The following HELLS variants were observed in gnomAD, a reference collection of about 807,000 sequenced individuals.
HELLS encodes the protein helicase, lymphoid specific.
In HELLS, 32 loss-of-function variants were observed where a neutral mutation model predicts 120.0. That is an observed-to-expected ratio of 0.27 (90% confidence interval 0.20 to 0.36). The LOEUF (loss-of-function observed/expected upper bound fraction) is 0.36, where lower values mean the gene tolerates loss of function less well. Among genes scored for constraint, HELLS ranks in the 10% least tolerant of loss-of-function variants. The probability of loss-of-function intolerance (pLI) is 1.00; values close to 1 mark genes in which losing one functional copy is unlikely to be tolerated. For missense variants in HELLS, 650 were observed against 993.4 expected (o/e 0.65, Z 4.65); for synonymous variants, 341 against 323.4 (o/e 1.05, Z -0.58).
chr10:94,589,103 G>C (rs1028978469), intron 13 of HELLS, among the ~76,000 whole-genome samples: 1 of 152,092 alleles, frequency 6.6e-6, no homozygotes, highest in Non-Finnish European at 1.5e-5. Flanking sequence ...AGCCAAGATT[G>C]TGCCTTTGCA....
In HELLS at chr10:94,590,665, A is replaced by G. The variant is rs1467991928; in HGVS notation, c.1656A>G (p.Val552=). The G allele has an allele frequency of 2.5e-6, 4 of 1,610,778 alleles. No individual in the cohort carries two copies. Among genetic ancestry groups the G allele is most frequent in the Non-Finnish European group, 3.4e-6 (4 of 1,178,932 alleles). The change falls in exon 15 of 22, where the codon GTA becomes GTG. Residue 552 remains valine, a synonymous_variant. Transcript: ENST00000348459. ...ERAVVEVNIP[V]ESEVNLKLQN... The stretch of plus-strand genomic sequence containing the variant: ...CTGTTGTGGAAGTGAATATCCCTGT[A>G]GAATCTGAAGTTAATCTGAAGCTGC...
intron 9 of HELLS, among the ~76,000 whole-genome samples, chr10:94,575,987 G>A (rs2134060146): frequency 6.6e-6 from 1 of 152,180 alleles, no homozygotes; most frequent in South Asian, 2.1e-4. Context: ...AGTAGTGACG[G>A]GGTTTCTCCA....
chr10:94,599,167 A>C (rs1298876116), intron 21 of HELLS, among the ~76,000 whole-genome samples: 2 of 152,192 alleles, frequency 1.3e-5, no homozygotes, highest in African/African-American at 4.8e-5. Context: ...GAAATAGTTT[A>C]GGGAGAAATA....
intron 6 of HELLS, among the ~76,000 whole-genome samples, chr10:94,568,801 T>TA: frequency 6.6e-6 from 1 of 152,006 alleles, no homozygotes; most frequent in Middle Eastern, 3.5e-3. Flanking sequence ...TCTCAAAAAT[T>TA]ACAAATGTTT....
At chr10:94,561,554 C>A (rs1431799944) in intron 4 of HELLS, among the ~76,000 whole-genome samples, 1 of 152,152 alleles carries the variant, frequency 6.6e-6, no homozygotes, top group African/African-American at 2.4e-5. Flanking sequence ...CAGCTTTGAA[C>A]TCCTGGGGTC....
chr10:94,607,737 T>G lies in HELLS; in HGVS notation c.818-173T>G, dbSNP rs549460001. 9.8e-5 allele frequency among the ~76,000 whole-genome samples: 15 copies of G among 152,288 alleles called. No homozygotes were observed. The South Asian group carries it at 2.5e-3, about 25-fold the overall frequency. On this transcript the variant is annotated intron_variant, in intron 8 of 9. Coordinates refer to the HELLS transcript ENST00000371327. Reference sequence around the variant, plus strand: ...TAGATAAGTTTTTTTTTTGTCTTGTTTTTTTGAGACGGAGTCTTGCTCTGT... The same window carrying G: ...TAGATAAGTTTTTTTTTTGTCTTGTGTTTTTGAGACGGAGTCTTGCTCTGT...
intron 6 of HELLS, among the ~76,000 whole-genome samples, chr10:94,566,801 C>G (rs962317043): frequency 6.6e-6 from 1 of 151,938 alleles, no homozygotes; most frequent in East Asian, 1.9e-4. Flanking sequence ...ACTACAGGCA[C>G]GTGCCACCAC....
chr10:94,599,107 T>C (rs1048897996), intron 21 of HELLS, among the ~76,000 whole-genome samples: 5 of 152,232 alleles, frequency 3.3e-5, no homozygotes, highest in African/African-American at 1.2e-4. Flanking sequence ...TTTTTCAAAA[T>C]TGTTTTAGAT....
chr10:94,598,450 G>A (rs1037295505), intron 21 of HELLS, among the ~76,000 whole-genome samples: 21 of 152,142 alleles, frequency 1.4e-4, no homozygotes, highest in Non-Finnish European at 2.9e-4. Context: ...ATGAGCCATT[G>A]TGCCTCAGTT....
intron 17 of HELLS, among the ~76,000 whole-genome samples, 163 bp downstream of exon 17, chr10:94,592,677 G>T (rs1845549555): frequency 6.6e-6 from 1 of 152,060 alleles, no homozygotes; most frequent in African/African-American, 2.4e-5. Flanking sequence ...GTACTAAGAA[G>T]TCTTAATTTT....
intron 6 of HELLS, among the ~76,000 whole-genome samples, chr10:94,563,537 A>G (rs1332404152): frequency 3.3e-5 from 5 of 150,904 alleles, no homozygotes; most frequent in Non-Finnish European, 7.4e-5. Context: ...CTCAAGCTGG[A>G]GTGCAGTGGC....
Position 94,583,387 on chromosome 10 carries a change from C to G in HELLS, c.1326+328C>G, listed in dbSNP as rs570648844. Among the ~76,000 whole-genome samples the G allele has an allele frequency of 2.2e-4, 34 of 152,226 alleles. 1 individual carries two copies. In the South Asian group the frequency reaches 7.0e-3, roughly 32 times the overall value. On this transcript the variant is annotated intron_variant, in intron 12 of 21. Coordinates refer to ENST00000348459, the MANE Select transcript of HELLS (RefSeq NM_018063.5). ...TTTTATAATTTACATCCTTGCATGG[C>G]TGCTGTCTAATCTATTTTTATTGCT...
Position 94,561,055 on chromosome 10 carries a change from CA to C in HELLS, c.334-1625del, listed in dbSNP as rs1204575500. ...TGGGTGACAGAGCAAGACTCTGTCT[CA>C]AAAAAAAAAACAAAAAAACAAAAAA... On this transcript the variant is annotated intron_variant, in intron 4 of 21. Coordinates refer to ENST00000348459, the MANE Select transcript of HELLS (RefSeq NM_018063.5). Among the ~76,000 whole-genome samples the C allele has an allele frequency of 5.8e-4, 69 of 119,662 alleles. 1 individual carries two copies. Among genetic ancestry groups the C allele is most frequent in the Middle Eastern group, 4.4e-3 (1 of 226 alleles). The allele number at this position is 119,662 out of a possible 152,430, so 78.5% of individuals were successfully genotyped here.
At chr10:94,609,507 C>A (rs1846167010) in intron 9 of HELLS, among the ~76,000 whole-genome samples, 1 of 152,182 alleles carries the variant, frequency 6.6e-6, no homozygotes, top group Non-Finnish European at 1.5e-5. Flanking sequence ...AAGATGATTT[C>A]TCTTACTGTA....
chr10:94,545,863 G>C lies in HELLS; in HGVS notation c.-59G>C, dbSNP rs372598734. On this transcript the variant is annotated 5_prime_UTR_variant, in exon 1 of 22. Coordinates refer to ENST00000348459, the MANE Select transcript of HELLS (RefSeq NM_018063.5). ...GGCCGGCAGCGGTTGTGAGGAGTTAGCTCGCGGCATTGCAGGCTCTGAGAG... is the reference window on the plus strand; with the variant it reads ...GGCCGGCAGCGGTTGTGAGGAGTTACCTCGCGGCATTGCAGGCTCTGAGAG... 3.8e-5 allele frequency: 58 copies of C among 1,539,854 alleles called. No individual in the cohort carries two copies. Among genetic ancestry groups the C allele is most frequent in the Middle Eastern group, 3.3e-4 (2 of 5,972 alleles).
chr10:94,570,039 T>A (rs900031462), intron 6 of HELLS: 2 of 151,612 alleles, frequency 1.3e-5, no homozygotes, highest in African/African-American at 2.4e-5. Flanking sequence ...TTATTTTTTT[T>A]TTTATTTTTA....
At position 94,558,194 on chromosome 10, in the gene HELLS, A is replaced by G. The variant is rs1387380731; in HGVS notation, c.332A>G (p.Lys111Arg). 3 of 1,561,994 alleles carry G rather than the reference A, an allele frequency of 1.9e-6. No homozygotes were observed. The South Asian group carries it at 3.8e-5, about 20-fold the overall frequency. ...AAAAAGGAGTCTTTAAAAGTTAAAA[A>G]GGTAATATAGCCAGCCGGAATATTT... ...ERKKESLKVK[K>R]GKNSIDASEE... Residue 111 changes from lysine (K) to arginine (R), a missense_variant and splice_region_variant, in exon 4 of 22, where the codon AAG (lysine) becomes AGG (arginine). Transcript: ENST00000348459.
chr10:94,595,248 C>G (rs1318177589), intron 19 of HELLS, among the ~76,000 whole-genome samples: 1 of 151,678 alleles, frequency 6.6e-6, no homozygotes, highest in Non-Finnish European at 1.5e-5. Context: ...ATATTAACAG[C>G]CTGATATGAC....
intron 10 of HELLS, among the ~76,000 whole-genome samples, chr10:94,580,589 G>T (rs1008826499): frequency 3.3e-5 from 5 of 151,960 alleles, no homozygotes; most frequent in Non-Finnish European, 7.4e-5. Flanking sequence ...TCCTTTCTTG[G>T]TTATTTTAAT....
Sources: allele counts gnomAD v4.1 joint callset (sites outside exome capture counted in the v4.1 genomes callset), GRCh38; gene constraint gnomAD v4.1.1; transcripts MANE v1.5; gene names NCBI Gene and HGNC (gene_info 2026-07-23, HGNC 2026-07-21).